Variants in ATP8A2 observed in about 807,000 individuals in gnomAD.
ATP8A2 encodes ATPase phospholipid transporting 8A2.
In ATP8A2, 100 loss-of-function variants were observed where a neutral mutation model predicts 165.6. The observed-to-expected ratio is 0.60, with a 90% confidence interval of 0.51 to 0.71. The LOEUF (loss-of-function observed/expected upper bound fraction) is 0.71, where lower values mean the gene tolerates loss of function less well. ATP8A2 is among the 30% of genes least tolerant of loss of function. ATP8A2 has a pLI of 0.00. For synonymous variants in ATP8A2, 543 were observed against 548.8 expected (o/e 0.99, Z 0.15); for missense variants, 1,227 against 1,479.5 (o/e 0.83, Z 2.80).
Position 25,543,513 on chromosome 13 carries a change from T to G in ATP8A2, c.891+111T>G, listed in dbSNP as rs1041357763. On this transcript the variant is annotated intron_variant, in intron 10 of 36. Coordinates refer to ENST00000381655, the MANE Select transcript of ATP8A2 (RefSeq NM_016529.6). The stretch of plus-strand genomic sequence containing the variant: ...GGAAGTTCAAATTTGTCTATGAACC[T>G]AAATTTGGAAAGAACTGCCTTTATT... 5 of 664,298 alleles carry G rather than the reference T, an allele frequency of 7.5e-6. No individual in the cohort carries two copies. In the African/African-American group the frequency reaches 8.9e-5, roughly 12 times the overall value. The allele number at this position is 664,298 out of a possible 1,614,324, so 41.2% of individuals were successfully genotyped here.
intron 33 of ATP8A2, among the ~76,000 whole-genome samples, chr13:25,920,480 C>A (rs9581477): frequency 1.5e-3 from 232 of 152,300 alleles, no homozygotes; most frequent in African/African-American, 5.3e-3. Context: ...CCTCCTCTGC[C>A]TGTGTTTCTG....
chr13:26,011,062 G>T (rs901572706), intron 35 of ATP8A2, among the ~76,000 whole-genome samples: 1 of 152,120 alleles, frequency 6.6e-6, no homozygotes, highest in Non-Finnish European at 1.5e-5. Context: ...ATCGATCGGG[G>T]GCAGGGTACA....
intron 35 of ATP8A2, among the ~76,000 whole-genome samples, chr13:26,008,529 G>C (rs1380708005): frequency 6.6e-6 from 1 of 152,072 alleles, no homozygotes; most frequent in Non-Finnish European, 1.5e-5. Flanking sequence ...GAGAACGGAG[G>C]GGAGGCAGGA....
intron 13 of ATP8A2, among the ~76,000 whole-genome samples, chr13:25,556,104 A>G (rs991809737): frequency 2.0e-5 from 3 of 152,186 alleles, no homozygotes; most frequent in African/African-American, 2.4e-5. Context: ...TGTTAGAACC[A>G]TTTGTGTTCT....
intron 1 of ATP8A2, among the ~76,000 whole-genome samples, chr13:25,443,416 T>C (rs1325245024): frequency 1.3e-5 from 2 of 152,160 alleles, no homozygotes; most frequent in Non-Finnish European, 2.9e-5. Context: ...AAACTCTGTC[T>C]GACAAAGTAA....
intron 27 of ATP8A2, among the ~76,000 whole-genome samples, chr13:25,821,263 A>T (rs923304634): frequency 6.6e-6 from 1 of 152,200 alleles, no homozygotes; most frequent in African/African-American, 2.4e-5. Flanking sequence ...TTTTTACATG[A>T]CTCAGTATTG....
chr13:25,999,950 A>G (rs961012773), intron 35 of ATP8A2, among the ~76,000 whole-genome samples: 4 of 152,192 alleles, frequency 2.6e-5, no homozygotes, highest in Admixed American at 6.5e-5. Flanking sequence ...ATTTTCCTTC[A>G]TTACATAAGT....
At chr13:25,468,809 C>T in intron 1 of ATP8A2, 168 bp from the exon 2 acceptor site, 2 of 982,980 alleles carry the variant, frequency 2.0e-6, no homozygotes, top group South Asian at 9.4e-5. Flanking sequence ...GCTGCCGCGG[C>T]ACAGGCGGCG....
chr13:25,821,110 T>A (rs1006069479), intron 27 of ATP8A2, among the ~76,000 whole-genome samples: 1 of 152,292 alleles, frequency 6.6e-6, no homozygotes, highest in Non-Finnish European at 1.5e-5. Flanking sequence ...CTGATAAAAA[T>A]TAGTGCAAAC....
intron 33 of ATP8A2, among the ~76,000 whole-genome samples, chr13:25,902,535 A>G (rs1170611470): frequency 6.6e-6 from 1 of 151,810 alleles, no homozygotes; most frequent in Non-Finnish European, 1.5e-5. Context: ...TATTCATGTG[A>G]AATTTCTGTT....
At chr13:25,967,060 A>G (rs955841294) in intron 34 of ATP8A2, among the ~76,000 whole-genome samples, 9 of 152,182 alleles carry the variant, frequency 5.9e-5, no homozygotes, top group African/African-American at 1.9e-4. Context: ...CTTTGTTGTC[A>G]GTCTAACCCC....
intron 24 of ATP8A2, among the ~76,000 whole-genome samples, chr13:25,616,288 C>T (rs1013573832): frequency 9.3e-5 from 14 of 150,784 alleles, no homozygotes; most frequent in Non-Finnish European, 1.9e-4. Context: ...TATTTCTATC[C>T]TTTAGTGACC....
At chr13:25,426,823 G>A (rs1366694539) in intron 1 of ATP8A2, among the ~76,000 whole-genome samples, 1 of 152,134 alleles carries the variant, frequency 6.6e-6, no homozygotes, top group East Asian at 1.9e-4. Flanking sequence ...ACACATGCCT[G>A]TAATCCCAGC....
chr13:25,817,020 T>G (rs538300018), intron 27 of ATP8A2, among the ~76,000 whole-genome samples: 1 of 152,194 alleles, frequency 6.6e-6, no homozygotes, highest in African/African-American at 2.4e-5. Context: ...CTTATACATA[T>G]TTCTGCTACC....
intron 25 of ATP8A2, among the ~76,000 whole-genome samples, chr13:25,754,842 G>T (rs1363006298): frequency 2.0e-5 from 3 of 152,002 alleles, no homozygotes; most frequent in Non-Finnish European, 1.5e-5. Context: ...GGATGGTTGT[G>T]GTTTTCACTT....
intron 23 of ATP8A2, among the ~76,000 whole-genome samples, chr13:25,589,230 T>C (rs900701637): frequency 2.0e-5 from 3 of 152,134 alleles, no homozygotes; most frequent in African/African-American, 7.2e-5. Context: ...GTTGTGAGAA[T>C]CAGCTGCTGT....
At chr13:25,419,373 C>T (rs146606618) in intron 1 of ATP8A2, among the ~76,000 whole-genome samples, 37 of 152,182 alleles carry the variant, frequency 2.4e-4, no homozygotes, top group African/African-American at 8.4e-4. Flanking sequence ...TGGCTGAGGC[C>T]CCCATCTGTT....
At chr13:25,913,773 G>A (rs10467677) in intron 33 of ATP8A2, among the ~76,000 whole-genome samples, 7,618 of 152,212 alleles carry the variant, frequency 0.05, 275 homozygotes, top group African/African-American at 0.096. Context: ...TAGGAAATTA[G>A]TATAGTGTAC....
chr13:25,462,196 G>T (rs1029479397), intron 1 of ATP8A2, among the ~76,000 whole-genome samples: 1 of 152,194 alleles, frequency 6.6e-6, no homozygotes, highest in Non-Finnish European at 1.5e-5. Flanking sequence ...ACAGAGAAAT[G>T]TGTGCAATGC....
Sources: gnomAD v4.1 joint callset for allele counts (sites outside exome capture counted in the v4.1 genomes callset) on GRCh38, gnomAD v4.1.1 for gene constraint, MANE v1.5 for transcripts, NCBI Gene and HGNC (gene_info 2026-07-23, HGNC 2026-07-21) for gene names.